RANBP2: variants seen among roughly 807,000 people sequenced by gnomAD.
RANBP2 encodes the protein E3 SUMO-protein ligase RanBP2.
A neutral mutation model predicts 303.6 loss-of-function variants in RANBP2; 57 were observed. The ratio of observed to expected loss-of-function variants is 0.19; its 90% CI spans 0.15 to 0.23. RANBP2 has a LOEUF of 0.23. Among genes scored for constraint, RANBP2 ranks in the 10% least tolerant of loss-of-function variants. The pLI, the probability that RANBP2 is intolerant of heterozygous loss-of-function variation, is 1.00. For missense variants in RANBP2, 3,138 were observed against 3,780.8 expected (o/e 0.83, Z 4.46); for synonymous variants, 1,167 against 1,301.5 (o/e 0.90, Z 2.23).
chr2:108,918,252 A>G, the RANBP2 span, among the ~76,000 whole-genome samples: 2 of 152,164 alleles, frequency 1.3e-5, no homozygotes, highest in Non-Finnish European at 2.9e-5. Context: ...CACCCCCTGC[A>G]CCTGCACCCA....
chr2:108,950,106 GA>G, the RANBP2 span, among the ~76,000 whole-genome samples: 1 of 152,170 alleles, frequency 6.6e-6, no homozygotes, highest in Non-Finnish European at 1.5e-5. Flanking sequence ...GCTGAAGAGT[GA>G]ATGCAGCACA....
At chr2:109,160,664 G>A in the RANBP2 span, among the ~76,000 whole-genome samples, 1 of 152,208 alleles carries the variant, frequency 6.6e-6, no homozygotes, top group Non-Finnish European at 1.5e-5. Flanking sequence ...CAATGGTGGG[G>A]CTGGGGTTCA....
chr2:109,405,061 C>G, the RANBP2 span, among the ~76,000 whole-genome samples: 1 of 151,306 alleles, frequency 6.6e-6, no homozygotes, highest in Admixed American at 6.6e-5. Context: ...ACAAATACCC[C>G]CCACCTTCTC....
At chr2:109,704,868 A>G in the RANBP2 span, among the ~76,000 whole-genome samples, 1 of 152,136 alleles carries the variant, frequency 6.6e-6, no homozygotes, top group African/African-American at 2.4e-5. Flanking sequence ...AAATTAAAGC[A>G]GGCATGTATA....
the RANBP2 span, among the ~76,000 whole-genome samples, chr2:109,435,763 T>TA: frequency 1.3e-5 from 2 of 152,364 alleles, no homozygotes; most frequent in African/African-American, 4.8e-5. Flanking sequence ...GAGCCCACTT[T>TA]ATTTAGTTTT....
the RANBP2 span, among the ~76,000 whole-genome samples, chr2:109,323,565 C>A: frequency 6.6e-6 from 1 of 152,194 alleles, no homozygotes; most frequent in African/African-American, 2.4e-5. Context: ...GTCTGAGCCC[C>A]CAGCGAAGCT....
chr2:109,341,037 C>CACCCTGTGTT, the RANBP2 span, among the ~76,000 whole-genome samples: 1 of 152,248 alleles, frequency 6.6e-6, no homozygotes, highest in Non-Finnish European at 1.5e-5. Context: ...GTGGCCTCGT[C>CACCCTGTGTT]ACCCTGTGTT....
chr2:108,788,152 C>G, downstream of RANBP2: 1 of 1,541,704 alleles, frequency 6.5e-7, no homozygotes, highest in Non-Finnish European at 8.8e-7. Flanking sequence ...GGCGCGGTGG[C>G]TCACGCCTGT....
chr2:108,808,885 T>A, the RANBP2 span, among the ~76,000 whole-genome samples: 2 of 152,208 alleles, frequency 1.3e-5, no homozygotes, highest in Non-Finnish European at 2.9e-5. Flanking sequence ...ATCCATAGTA[T>A]CTTTGCCCAG....
the RANBP2 span, among the ~76,000 whole-genome samples, chr2:109,078,119 GCGT>G: frequency 2.1e-5 from 1 of 48,766 alleles, no homozygotes; most frequent in African/African-American, 8.8e-5. Flanking sequence ...TATATATATA[GCGT>G]GTATATATAT....
the RANBP2 span, among the ~76,000 whole-genome samples, chr2:109,219,053 T>C: frequency 6.6e-6 from 1 of 152,252 alleles, no homozygotes; most frequent in African/African-American, 2.4e-5. Context: ...TCAGTCCTCA[T>C]TTAGCTGACC....
At chr2:109,499,331 G>A in the RANBP2 span, among the ~76,000 whole-genome samples, 1 of 152,232 alleles carries the variant, frequency 6.6e-6, no homozygotes, top group Admixed American at 6.5e-5. Context: ...GTGTCTGAGG[G>A]ACCGTCAGCC....
At chr2:109,478,885 A>G in the RANBP2 span, among the ~76,000 whole-genome samples, 2 of 152,296 alleles carry the variant, frequency 1.3e-5, no homozygotes, top group East Asian at 3.9e-4. Flanking sequence ...TTTCTTTGTG[A>G]AACTCAGGGA....
the RANBP2 span, among the ~76,000 whole-genome samples, chr2:108,974,649 G>A: frequency 6.6e-6 from 1 of 152,010 alleles, no homozygotes; most frequent in East Asian, 1.9e-4. Context: ...AGAATCGCTT[G>A]AACCCGGCAG....
the RANBP2 span, among the ~76,000 whole-genome samples, chr2:108,804,113 TATAAGG>T: frequency 5.9e-5 from 9 of 152,172 alleles, no homozygotes; most frequent in Admixed American, 5.9e-4. Flanking sequence ...TTTTATTAAG[TATAAGG>T]ATAACTGCCT....
At chr2:109,001,888 C>G in the RANBP2 span, among the ~76,000 whole-genome samples, 2 of 151,936 alleles carry the variant, frequency 1.3e-5, no homozygotes, top group Admixed American at 6.6e-5. Context: ...CGCCACCACG[C>G]CTGGCTTTTT....
chr2:108,734,203 C>T (rs563012270), intron 4 of RANBP2, among the ~76,000 whole-genome samples: 12 of 150,124 alleles, frequency 8.0e-5, no homozygotes, highest in Admixed American at 3.3e-4. Context: ...TGGGGAAAGA[C>T]GAGTTTAAGT....
At chr2:109,428,386 G>A in the RANBP2 span, among the ~76,000 whole-genome samples, 27 of 152,362 alleles carry the variant, frequency 1.8e-4, 1 homozygote, top group East Asian at 5.2e-3. Flanking sequence ...ATGGGTAAGC[G>A]AAGGCTGTGC....
At chr2:108,788,806 G>T, downstream of RANBP2, 1 of 1,610,176 alleles carries the variant, frequency 6.2e-7, no homozygotes, top group Non-Finnish European at 8.5e-7. Context: ...GATATTTTGT[G>T]ATATATTGTT....
Sources: gnomAD v4.1 joint callset for allele counts (sites outside exome capture counted in the v4.1 genomes callset) on GRCh38, gnomAD v4.1.1 for gene constraint, MANE v1.5 for transcripts, NCBI Gene and HGNC (gene_info 2026-07-23, HGNC 2026-07-21) for gene names.